The following DAB1 variants were observed in gnomAD, a reference collection of about 807,000 sequenced individuals.
DAB1 encodes the protein disabled homolog 1.
Under a neutral mutation model 64.6 loss-of-function variants are expected in DAB1, and 15 were observed. The observed-to-expected ratio is 0.23, with a 90% confidence interval of 0.16 to 0.36. The LOEUF is 0.36. Ranked by LOEUF, DAB1 falls within the 10% of genes least tolerant of loss-of-function variation. The pLI is 1.00. For missense variants in DAB1, 596 were observed against 706.7 expected (o/e 0.84, Z 1.78); for synonymous variants, 235 against 251.9 (o/e 0.93, Z 0.64).
intron 5 of DAB1, among the ~76,000 whole-genome samples, chr1:58,106,748 A>G (rs1651665020): frequency 6.6e-6 from 1 of 152,062 alleles, no homozygotes; most frequent in Non-Finnish European, 1.5e-5. Context: ...AGTCTTATGA[A>G]TTCTTTTCTC....
chr1:58,258,916 T>G (rs1376028907), intron 4 of DAB1, among the ~76,000 whole-genome samples: 1 of 152,212 alleles, frequency 6.6e-6, no homozygotes, highest in African/African-American at 2.4e-5. Flanking sequence ...GTTCAATTCC[T>G]GCCTCTGCCC....
In DAB1 at chr1:58,541,123, G is replaced by A. The variant is rs920828010; in HGVS notation, n.32+5580C>T. Among the ~76,000 whole-genome samples the A allele has an allele frequency of 1.0e-3, 11 of 10,678 alleles. No homozygotes were observed. In the East Asian group the frequency reaches 0.027, roughly 27 times the overall value. The allele number at this position is 10,678 out of a possible 152,430, so 7.0% of individuals were successfully genotyped here. On this transcript the variant is annotated intron_variant and non_coding_transcript_variant, in intron 1 of 20. Coordinates refer to the DAB1 transcript ENST00000485760. The stretch of plus-strand genomic sequence containing the variant: ...TCAGGCATTCGAGGCGTGAAACCCC[G>A]TCTCTACTAAAAATACAAAAATTAG...
chr1:57,532,521 A>T (rs1644676911), intron 7 of DAB1, among the ~76,000 whole-genome samples: 2 of 152,240 alleles, frequency 1.3e-5, no homozygotes, highest in African/African-American at 4.8e-5. Context: ...TTTGCTTGCC[A>T]TGTGACTGGT....
intron 1 of DAB1, among the ~76,000 whole-genome samples, chr1:57,341,356 A>C (rs971993820): frequency 2.6e-5 from 4 of 152,208 alleles, no homozygotes. Flanking sequence ...ACCAAACCTT[A>C]GTTTTAACAC....
At chr1:58,041,102 T>TC (rs1482957048) in intron 5 of DAB1, among the ~76,000 whole-genome samples, 4 of 152,182 alleles carry the variant, frequency 2.6e-5, no homozygotes, top group African/African-American at 9.7e-5. Context: ...TAATCTTTTT[T>TC]CCAAACCCAA....
intron 11 of DAB1, among the ~76,000 whole-genome samples, chr1:57,019,097 C>T (rs893700335): frequency 3.3e-5 from 5 of 152,206 alleles, no homozygotes; most frequent in African/African-American, 7.2e-5. Flanking sequence ...TGTCACACTG[C>T]CTTGCAATTG....
At chr1:58,051,483 T>C (rs1378301405) in intron 5 of DAB1, among the ~76,000 whole-genome samples, 3 of 152,188 alleles carry the variant, frequency 2.0e-5, no homozygotes, top group East Asian at 1.9e-4. Context: ...GACTTTGCTA[T>C]TGTGAATAGT....
At chr1:57,283,388 A>G (rs900012819) in intron 2 of DAB1, among the ~76,000 whole-genome samples, 1 of 152,132 alleles carries the variant, frequency 6.6e-6, no homozygotes, top group African/African-American at 2.4e-5. Context: ...TATATTTCCT[A>G]TACCACTAGA....
intron 6 of DAB1, among the ~76,000 whole-genome samples, chr1:57,741,505 G>A (rs116051759): frequency 0.05 from 7,612 of 152,184 alleles, 290 homozygotes; most frequent in Middle Eastern, 0.078. Flanking sequence ...ATACCATACT[G>A]CCTCTCAAAG....
chr1:57,769,480 G>A (rs562220648), intron 6 of DAB1, among the ~76,000 whole-genome samples: 2 of 152,072 alleles, frequency 1.3e-5, no homozygotes, highest in Non-Finnish European at 2.9e-5. Flanking sequence ...AAACATGTAG[G>A]AAGCTTAAGA....
intron 7 of DAB1, among the ~76,000 whole-genome samples, chr1:57,462,606 C>A (rs1352569818): frequency 1.3e-5 from 2 of 152,140 alleles, no homozygotes; most frequent in Non-Finnish European, 2.9e-5. Flanking sequence ...ACTCATTTTT[C>A]TTCTTACAAC....
At chr1:57,925,096 G>A (rs935596541) in intron 5 of DAB1, among the ~76,000 whole-genome samples, 9 of 152,136 alleles carry the variant, frequency 5.9e-5, no homozygotes, top group Non-Finnish European at 1.2e-4. Flanking sequence ...AGGAAACTCA[G>A]GTCATCAAGT....
chr1:58,283,191 C>T (rs1661605090), intron 4 of DAB1, among the ~76,000 whole-genome samples: 1 of 151,660 alleles, frequency 6.6e-6, no homozygotes, highest in African/African-American at 2.4e-5. Context: ...GCCTCAGTAG[C>T]CCATCCATCT....
intron 2 of DAB1, among the ~76,000 whole-genome samples, chr1:57,207,413 A>C (rs148447558): frequency 1.3e-5 from 2 of 150,300 alleles, no homozygotes; most frequent in Non-Finnish European, 3.0e-5. Context: ...AAATGATAGA[A>C]TAGATTACTG....
chr1:57,668,133 G>A (rs60653694), intron 6 of DAB1, among the ~76,000 whole-genome samples: 3,909 of 151,926 alleles, frequency 0.026, 157 homozygotes, highest in African/African-American at 0.089. Context: ...TGGAATTAGC[G>A]TTCAATATTG....
intron 2 of DAB1, among the ~76,000 whole-genome samples, chr1:58,519,699 G>T (rs113193565): frequency 2.0e-5 from 3 of 151,980 alleles, no homozygotes; most frequent in African/African-American, 7.2e-5. Flanking sequence ...AACAGAAACG[G>T]ACCCAGCTAT....
At chr1:57,611,850 G>T (rs1645730466) in intron 7 of DAB1, among the ~76,000 whole-genome samples, 1 of 152,166 alleles carries the variant, frequency 6.6e-6, no homozygotes, top group Non-Finnish European at 1.5e-5. Flanking sequence ...TCATTCCTCT[G>T]CTATAAATCC....
rs551122908 is a variant in DAB1, at chr1:57,295,316, T to A, written c.-136-4150A>T. 2.0e-5 allele frequency among the ~76,000 whole-genome samples: 3 copies of A among 152,294 alleles called. No homozygotes were observed. In the East Asian group the frequency reaches 5.8e-4, roughly 29 times the overall value. ...CACTGCAAATTTCAGTTTAAAAACA[T>A]AATGTAGTGCTAAAAGACAGATGAA... On this transcript the variant is annotated intron_variant, in intron 1 of 14. Transcript: ENST00000371236.
intron 5 of DAB1, among the ~76,000 whole-genome samples, chr1:58,068,879 C>T (rs1366085760): frequency 2.0e-5 from 3 of 152,062 alleles, no homozygotes; most frequent in Non-Finnish European, 1.5e-5. Flanking sequence ...AGGCAAACTG[C>T]ACCTCTAATG....
Sources: allele counts gnomAD v4.1 joint callset (sites outside exome capture counted in the v4.1 genomes callset), GRCh38; gene constraint gnomAD v4.1.1; transcripts MANE v1.5; gene names NCBI Gene and HGNC (gene_info 2026-07-23, HGNC 2026-07-21).